The following GPHN variants were observed in gnomAD, a reference collection of about 807,000 sequenced individuals.
GPHN encodes the protein gephyrin.
GPHN carries 17 observed loss-of-function variants against 95.5 expected under a neutral mutation model. The observed-to-expected ratio is 0.18, with a 90% CI of 0.12 to 0.27. The LOEUF is 0.27. Ranked by LOEUF, GPHN falls within the 10% of genes least tolerant of loss-of-function variation. GPHN has a pLI of 1.00. For synonymous variants in GPHN, 320 were observed against 322.5 expected (o/e 0.99, Z 0.08); for missense variants, 660 against 978.1 (o/e 0.67, Z 4.34).
chr14:67,242,347 G>A, the GPHN span, among the ~76,000 whole-genome samples: 3 of 152,248 alleles, frequency 2.0e-5, no homozygotes, highest in South Asian at 6.2e-4. Flanking sequence ...CTCCATACTC[G>A]TTTAGAATAG....
At chr14:66,952,613 A>G (rs904471955) in intron 8 of GPHN, among the ~76,000 whole-genome samples, 6 of 152,228 alleles carry the variant, frequency 3.9e-5, no homozygotes, top group African/African-American at 1.2e-4. Flanking sequence ...ACTATTATCC[A>G]TAGAGCTGCA....
At chr14:67,101,015 T>G (rs2077671425) in intron 13 of GPHN, 104 bp downstream of exon 13, 1 of 748,338 alleles carries the variant, frequency 1.3e-6, no homozygotes, top group Non-Finnish European at 2.5e-6. Context: ...TAGAGAGAGA[T>G]TAGTCAGAAG....
chr14:66,687,116 G>C (rs545683346), intron 2 of GPHN, among the ~76,000 whole-genome samples: 1 of 152,228 alleles, frequency 6.6e-6, no homozygotes, highest in East Asian at 1.9e-4. Context: ...TGATCATGTT[G>C]GATAAGCTTT....
chr14:67,256,583 T>C, the GPHN span, among the ~76,000 whole-genome samples: 1 of 152,202 alleles, frequency 6.6e-6, no homozygotes, highest in Non-Finnish European at 1.5e-5. Flanking sequence ...AGTCTCGCTC[T>C]GTTGCCCAGG....
chr14:67,390,838 C>G, the GPHN span: 2 of 865,292 alleles, frequency 2.3e-6, no homozygotes, highest in East Asian at 2.4e-5. Flanking sequence ...CCCCAACAAG[C>G]CAGCCCGCTC....
At chr14:67,091,626 G>C (rs2077149820) in intron 12 of GPHN, among the ~76,000 whole-genome samples, 2 of 151,644 alleles carry the variant, frequency 1.3e-5, no homozygotes. Flanking sequence ...ATTATTTGAG[G>C]CAGAATTATT....
the GPHN span, among the ~76,000 whole-genome samples, chr14:67,265,677 T>C: frequency 6.6e-6 from 1 of 151,952 alleles, no homozygotes; most frequent in Admixed American, 6.6e-5. Context: ...GCCAACATGG[T>C]AAAACCCTGT....
At chr14:66,915,415 CAGTT>C (rs2065854686) in intron 5 of GPHN, among the ~76,000 whole-genome samples, 2 of 151,966 alleles carry the variant, frequency 1.3e-5, no homozygotes, top group Non-Finnish European at 2.9e-5. Flanking sequence ...GTTTCTTAAC[CAGTT>C]AGTTTAAATG....
At chr14:66,625,113 G>A (rs1276081027) in intron 1 of GPHN, among the ~76,000 whole-genome samples, 1 of 151,874 alleles carries the variant, frequency 6.6e-6, no homozygotes, top group African/African-American at 2.4e-5. Flanking sequence ...GCAGGGTCTT[G>A]CCCTGTCACC....
rs1410611756 is a variant in GPHN, at chr14:67,150,462, A to AC, written c.1836+7013_1836+7014insC. Among the ~76,000 whole-genome samples, 100 of 149,622 alleles carry AC rather than the reference A, an allele frequency of 6.7e-4. 1 individual carries two copies. The highest frequency in any genetic ancestry group is 1.5e-3 in the Admixed American group (22 of 14,980). On this transcript the variant is annotated intron_variant, in intron 18 of 22. Transcript: ENST00000478722. ...TCTCAAAAAAAAAAAACAAAAAAAA[A>AC]AAAAAAAAAAACATTGTAAGGTTTT...
At chr14:67,392,309 G>A in the GPHN span, 2 of 1,487,610 alleles carry the variant, frequency 1.3e-6, no homozygotes, top group South Asian at 1.1e-5. Flanking sequence ...TCTCTTCCCT[G>A]CTCATAGCAG....
intron 8 of GPHN, among the ~76,000 whole-genome samples, chr14:66,957,371 T>G (rs574555565): frequency 6.6e-6 from 1 of 151,890 alleles, no homozygotes; most frequent in Non-Finnish European, 1.5e-5. Flanking sequence ...AATTTTTGTA[T>G]TTTTAGTAGA....
the GPHN span, among the ~76,000 whole-genome samples, chr14:67,331,395 A>G: frequency 6.6e-6 from 1 of 152,128 alleles, no homozygotes; most frequent in Admixed American, 6.6e-5. Flanking sequence ...GTGCTGAAGT[A>G]AAACAGATTT....
At chr14:67,704,050 G>C in the GPHN span, among the ~76,000 whole-genome samples, 1 of 152,126 alleles carries the variant, frequency 6.6e-6, no homozygotes, top group African/African-American at 2.4e-5. Context: ...TGTTGGATTC[G>C]TATTTTTATG....
At chr14:66,520,630 G>T (rs1350635071) in intron 1 of GPHN, among the ~76,000 whole-genome samples, 1 of 151,964 alleles carries the variant, frequency 6.6e-6, no homozygotes, top group Non-Finnish European at 1.5e-5. Context: ...TAGAGGAGGG[G>T]TAGATTGAGA....
the GPHN span, among the ~76,000 whole-genome samples, chr14:67,216,008 T>C: frequency 6.6e-6 from 1 of 152,150 alleles, no homozygotes. Flanking sequence ...ATTTTTTGCG[T>C]GCAGTTTTAG....
At chr14:66,930,362 T>C (rs974652114) in intron 8 of GPHN, among the ~76,000 whole-genome samples, 11 of 151,948 alleles carry the variant, frequency 7.2e-5, no homozygotes, top group African/African-American at 1.9e-4. Flanking sequence ...TACTATCTTA[T>C]AACCCATTAT....
the GPHN span, among the ~76,000 whole-genome samples, chr14:67,341,986 G>C: frequency 2.0e-5 from 3 of 151,642 alleles, no homozygotes; most frequent in Admixed American, 1.3e-4. Flanking sequence ...CTTGAAGGCA[G>C]CATGCTCGTT....
At chr14:66,886,466 T>G (rs1356409271) in intron 5 of GPHN, among the ~76,000 whole-genome samples, 1 of 152,016 alleles carries the variant, frequency 6.6e-6, no homozygotes, top group Non-Finnish European at 1.5e-5. Context: ...TCAGGAGTTC[T>G]AAGTCATGAT....
Sources: gnomAD v4.1 joint callset for allele counts (sites outside exome capture counted in the v4.1 genomes callset) on GRCh38, gnomAD v4.1.1 for gene constraint, MANE v1.5 for transcripts, NCBI Gene and HGNC (gene_info 2026-07-23, HGNC 2026-07-21) for gene names.